The following POMGNT2 variants were observed in gnomAD, a reference collection of about 807,000 sequenced individuals.
The protein encoded by POMGNT2 is protein O-linked mannose N-acetylglucosaminyltransferase 2 (beta 1,4-).
Under a neutral mutation model 37.8 loss-of-function variants are expected in POMGNT2, and 32 were observed. That is an observed-to-expected ratio of 0.85 (90% CI 0.64 to 1.14). POMGNT2 has a LOEUF of 1.14. Ranked by LOEUF, POMGNT2 falls within the 50% of genes most tolerant of loss-of-function variation. The probability of loss-of-function intolerance (pLI) is 0.00; values close to 1 mark genes in which losing one functional copy is unlikely to be tolerated. For missense variants in POMGNT2, 705 were observed against 780.6 expected, an observed-to-expected ratio of 0.90 and a Z score of 1.15; for synonymous variants, 340 against 336.8, an observed-to-expected ratio of 1.01 and a Z score of -0.10.
intron 1 of POMGNT2, among the ~76,000 whole-genome samples, chr3:43,094,347 C>T (rs2089964296): frequency 6.6e-6 from 1 of 152,230 alleles, no homozygotes; most frequent in South Asian, 2.1e-4. Flanking sequence ...GGAAAATTCA[C>T]AATGTTGGAG....
In POMGNT2 at chr3:43,079,952, C is replaced by T. The variant is rs2089831762; in HGVS notation, c.1480G>A (p.Val494Met). Residue 494 changes from valine to methionine, a missense_variant, in exon 2 of 2, where the codon GTG (valine) becomes ATG (methionine). Val to Met is a conservative substitution (Grantham distance 21). Transcript: ENST00000344697. The stretch of plus-strand genomic sequence containing the variant: ...AGGCGGGCCTCGGAGGCGCCATGCA[C>T]TGACGCCTGGCACCGTGCCTCCCGC... ...KVREARCQAS[V>M]HGASEARLTV... 6.2e-7 allele frequency: 1 copy of T among 1,614,020 alleles called. No individual in the cohort carries two copies. The highest frequency in any genetic ancestry group is 8.5e-7 in the Non-Finnish European group (1 of 1,180,050).
intron 1 of POMGNT2, among the ~76,000 whole-genome samples, chr3:43,088,354 C>T (rs1314491967): frequency 1.3e-5 from 2 of 152,186 alleles, no homozygotes; most frequent in African/African-American, 4.8e-5. Flanking sequence ...GTCACTATGT[C>T]ATTGGTGGCA....
intron 1 of POMGNT2, among the ~76,000 whole-genome samples, chr3:43,095,653 CGGAGGTTGA>C (rs771338254): frequency 1.3e-4 from 20 of 152,236 alleles, no homozygotes; most frequent in Middle Eastern, 3.4e-3. Context: ...GATGAGGAAC[CGGAGGTTGA>C]GGAGGTTGAG....
chr3:43,087,353 C>T (rs2089905415), intron 1 of POMGNT2: 1 of 152,240 alleles, frequency 6.6e-6, no homozygotes, highest in Non-Finnish European at 1.5e-5. Context: ...TTAACAACCA[C>T]TAAGCAAGTC....
chr3:43,094,373 T>G (rs538053576), intron 1 of POMGNT2, among the ~76,000 whole-genome samples: 1 of 152,210 alleles, frequency 6.6e-6, no homozygotes, highest in Non-Finnish European at 1.5e-5. Flanking sequence ...CTGGGCCAAG[T>G]TGCTTACTGG....
chr3:43,097,220 G>A (rs1306807082), intron 1 of POMGNT2, among the ~76,000 whole-genome samples: 2 of 152,224 alleles, frequency 1.3e-5, no homozygotes, highest in East Asian at 1.9e-4. Flanking sequence ...TGCCTGCTAG[G>A]GCCGGAGCCA....
chr3:43,093,065 A>G (rs531858426), intron 1 of POMGNT2, among the ~76,000 whole-genome samples: 11 of 152,238 alleles, frequency 7.2e-5, no homozygotes, highest in Non-Finnish European at 1.5e-4. Flanking sequence ...GCCACCAGGC[A>G]TCATCTCTCT....
chr3:43,081,578 T>C (rs1411892160), intron 1 of POMGNT2, 42 bp from the exon 2 acceptor site: 4 of 725,130 alleles, frequency 5.5e-6, no homozygotes, highest in Admixed American at 3.0e-5. Flanking sequence ...ATTGGCAGTC[T>C]TCCTGGCATC....
At chr3:43,102,614 T>C (rs1347446635) in intron 1 of POMGNT2, among the ~76,000 whole-genome samples, 9 of 152,228 alleles carry the variant, frequency 5.9e-5, no homozygotes, top group Admixed American at 6.5e-5. Flanking sequence ...GCCTTTTTCC[T>C]GACCTATTTC....
At chr3:43,090,561 C>A (rs1249335999) in intron 1 of POMGNT2, 1 of 152,036 alleles carries the variant, frequency 6.6e-6, no homozygotes, top group African/African-American at 2.4e-5. Flanking sequence ...ATGCCCTCAG[C>A]TGGAGTTCCG....
chr3:43,090,744 CA>C (rs900759615), intron 1 of POMGNT2: 47 of 152,044 alleles, frequency 3.1e-4, no homozygotes, highest in African/African-American at 1.1e-3. Context: ...ACTGTCTTAC[CA>C]GGGGGTGGAA....
chr3:43,080,736 A>G lies in POMGNT2; in HGVS notation c.696T>C (p.Ala232=). 6.2e-7 allele frequency: 1 copy of G among 1,614,094 alleles called. No individual in the cohort carries two copies. Reference sequence around the variant, plus strand: ...TAGTGATCTTGGAGAGGCCCACAAAAGCATGGGAGAAGCACAGCAGCCGGC... The same window carrying G: ...TAGTGATCTTGGAGAGGCCCACAAAGGCATGGGAGAAGCACAGCAGCCGGC... ...TLGRLLCFSH[A]FVGLSKITTW... The change falls in exon 2 of 2, where the codon GCT becomes GCC. Residue 232 remains alanine (A), a synonymous_variant. Coordinates refer to ENST00000344697, the MANE Select transcript of POMGNT2 (RefSeq NM_032806.6).
chr3:43,089,502 G>A (rs1336353794), intron 1 of POMGNT2, among the ~76,000 whole-genome samples: 1 of 152,200 alleles, frequency 6.6e-6, no homozygotes, highest in Non-Finnish European at 1.5e-5. Flanking sequence ...AGGCAATAGG[G>A]AGCTATTATA....
chr3:43,104,445 A>G (rs1032885036), intron 1 of POMGNT2, among the ~76,000 whole-genome samples: 2 of 152,376 alleles, frequency 1.3e-5, no homozygotes, highest in East Asian at 1.9e-4. Flanking sequence ...GCCAACTAGC[A>G]TGCTTACATG....
chr3:43,101,253 G>C (rs2090016846), intron 1 of POMGNT2, among the ~76,000 whole-genome samples: 1 of 152,198 alleles, frequency 6.6e-6, no homozygotes, highest in South Asian at 2.1e-4. Context: ...CCTAGAGTAA[G>C]AACTGCAAAA....
At position 43,079,517 on chromosome 3, in the gene POMGNT2, C is replaced by T. The variant is rs1173476689; in HGVS notation, c.*172G>A. The T allele has an allele frequency of 1.6e-6, 1 of 609,884 alleles. No homozygotes were observed. Among genetic ancestry groups the T allele is most frequent in the Non-Finnish European group, 2.8e-6 (1 of 356,464 alleles). The allele number at this position is 609,884 out of a possible 1,614,324, so 37.8% of individuals were successfully genotyped here. On this transcript the variant is annotated 3_prime_UTR_variant, in exon 2 of 2. Transcript: ENST00000344697. ...GAGAAGGGGAAGTCAGGTCCCTTAT[C>T]TCTAGGGCAAAGAGGAGTGCTGTGA...
rs2089850088 is a variant in POMGNT2, at chr3:43,081,086, G to A, written c.346C>T (p.Leu116=). ...NLGSRRFQPA[L]LDLSTVEDHN... is the part of the protein sequence containing the mutation. ...TCCTCCACGGTGGATAGGTCGAGCAGGGCTGGCTGGAAGCGCCGGGAGCCC... is the reference window on the plus strand; with the variant it reads ...TCCTCCACGGTGGATAGGTCGAGCAAGGCTGGCTGGAAGCGCCGGGAGCCC... Residue 116 remains leucine (L), a synonymous_variant, in exon 2 of 2, where the codon CTG becomes TTG. Transcript: ENST00000344697. The A allele has an allele frequency of 1.2e-6, 2 of 1,614,240 alleles. No individual in the cohort carries two copies. The highest frequency in any genetic ancestry group is 2.2e-5 in the East Asian group (1 of 44,870).
At chr3:43,084,743 A>G (rs1384000771) in intron 1 of POMGNT2, among the ~76,000 whole-genome samples, 1 of 151,378 alleles carries the variant, frequency 6.6e-6, no homozygotes, top group Non-Finnish European at 1.5e-5. Flanking sequence ...AGACTGGATG[A>G]TTTCTATCAT....
intron 1 of POMGNT2, among the ~76,000 whole-genome samples, chr3:43,091,942 C>T (rs2089946778): frequency 6.6e-6 from 1 of 152,172 alleles, no homozygotes; most frequent in Non-Finnish European, 1.5e-5. Context: ...AATACCTGGC[C>T]AGTACTTGAC....
Sources: allele counts gnomAD v4.1 joint callset (sites outside exome capture counted in the v4.1 genomes callset), GRCh38; gene constraint gnomAD v4.1.1; transcripts MANE v1.5; gene names NCBI Gene and HGNC (gene_info 2026-07-23, HGNC 2026-07-21).